The following NDST4 variants were observed in gnomAD, a reference collection of about 807,000 sequenced individuals.
The protein encoded by NDST4 is N-heparan sulfate sulfotransferase 4.
A neutral mutation model predicts 100.8 loss-of-function variants in NDST4; 63 were observed. The ratio of observed to expected loss-of-function variants is 0.62; its 90% CI spans 0.51 to 0.77. NDST4 has a LOEUF of 0.77. Ranked by LOEUF, NDST4 falls within the 30% of genes least tolerant of loss-of-function variation. NDST4 has a pLI of 0.00. For missense variants in NDST4, 943 were observed against 1,018.4 expected, an observed-to-expected ratio of 0.93 and a Z score of 1.01; for synonymous variants, 377 against 361.8, an observed-to-expected ratio of 1.04 and a Z score of -0.48.
In NDST4 at chr4:115,100,832, G is replaced by A. The variant is rs573808834; in HGVS notation, c.-247+12612C>T. ...TTTTTTTTTTTTTCCCTCCTGCTCT[G>A]CCCTCCTTTCCTTAAGTTCCTATTG... On this transcript the variant is annotated intron_variant, in intron 1 of 13. Coordinates refer to ENST00000264363, the MANE Select transcript of NDST4 (RefSeq NM_022569.3). Among the ~76,000 whole-genome samples, 13 of 146,262 alleles carry A rather than the reference G, an allele frequency of 8.9e-5. No individual in the cohort carries two copies. The East Asian group carries it at 2.6e-3, about 29-fold the overall frequency.
chr4:115,056,469 T>C (rs571406163), intron 2 of NDST4, among the ~76,000 whole-genome samples: 1 of 152,314 alleles, frequency 6.6e-6, no homozygotes, highest in African/African-American at 2.4e-5. Context: ...CAACTGTTGA[T>C]TGTAGATTAT....
At chr4:114,860,048 C>T (rs1407443479) in intron 7 of NDST4, among the ~76,000 whole-genome samples, 1 of 152,142 alleles carries the variant, frequency 6.6e-6, no homozygotes, top group Non-Finnish European at 1.5e-5. Context: ...CTAAAGGGAT[C>T]AGTAATGTAT....
Position 114,839,497 on chromosome 4 carries a change from C to A in NDST4, c.2167G>T (p.Val723Phe). 1 of 1,613,896 alleles carries A rather than the reference C, an allele frequency of 6.2e-7. No homozygotes were observed. Among genetic ancestry groups the A allele is most frequent in the Non-Finnish European group, 8.5e-7 (1 of 1,179,894 alleles). Residue 723 changes from valine to phenylalanine, a missense_variant, in exon 11 of 14, where the codon GTT (valine) becomes TTT (phenylalanine). This residue lies in a region of NDST4 where 526 missense variants were observed against 634.1 expected (regional missense o/e 0.83). Transcript: ENST00000264363. Reference protein sequence around the residue: ...PAALRFNFYEVISTGHWAPSD... With the variant: ...PAALRFNFYEFISTGHWAPSD... Reference sequence around the variant, plus strand: ...GGAGCCCAATGTCCTGTTGAAATAACTTCATAGAAATTGAACCTCAGAGCA... The same window carrying A: ...GGAGCCCAATGTCCTGTTGAAATAAATTCATAGAAATTGAACCTCAGAGCA...
intron 1 of NDST4, among the ~76,000 whole-genome samples, chr4:115,105,487 C>A: frequency 6.6e-6 from 1 of 152,058 alleles, no homozygotes; most frequent in East Asian, 1.9e-4. Context: ...TGTAATTTTA[C>A]CCAGTGGTTA....
chr4:114,902,424 T>C (rs1724863616), intron 6 of NDST4, among the ~76,000 whole-genome samples: 1 of 150,278 alleles, frequency 6.7e-6, no homozygotes, highest in African/African-American at 2.5e-5. Context: ...CTTGCTTGCA[T>C]GTTTTCTGAA....
At chr4:114,968,638 C>A (rs1204416514) in intron 4 of NDST4, among the ~76,000 whole-genome samples, 1 of 152,140 alleles carries the variant, frequency 6.6e-6, no homozygotes, top group Non-Finnish European at 1.5e-5. Context: ...AGTCTTCCAA[C>A]AAAATTTTAT....
intron 2 of NDST4, among the ~76,000 whole-genome samples, chr4:115,063,044 T>C (rs186878848): frequency 2.6e-5 from 4 of 152,074 alleles, no homozygotes; most frequent in African/African-American, 7.2e-5. Context: ...TCAGGATATG[T>C]GTTGCCTCTC....
chr4:114,849,823 G>T (rs1179984938), intron 8 of NDST4, among the ~76,000 whole-genome samples: 1 of 152,174 alleles, frequency 6.6e-6, no homozygotes, highest in Non-Finnish European at 1.5e-5. Flanking sequence ...CTAAATTAGA[G>T]TCTTAAAGTT....
chr4:115,049,894 A>G (rs1395914623), intron 2 of NDST4, among the ~76,000 whole-genome samples: 1 of 152,174 alleles, frequency 6.6e-6, no homozygotes, highest in Non-Finnish European at 1.5e-5. Flanking sequence ...GTAGTTTTGC[A>G]GAAGGCCTTA....
intron 1 of NDST4, among the ~76,000 whole-genome samples, chr4:115,093,368 T>A (rs756775899): frequency 6.6e-6 from 1 of 151,714 alleles, no homozygotes; most frequent in East Asian, 1.9e-4. Flanking sequence ...CCAGCTACTC[T>A]AGAGGCTGAG....
intron 7 of NDST4, among the ~76,000 whole-genome samples, chr4:114,864,525 A>G (rs1274930791): frequency 6.6e-6 from 1 of 152,182 alleles, no homozygotes; most frequent in Non-Finnish European, 1.5e-5. Flanking sequence ...TAAGCCTAAT[A>G]CAATCCATGT....
At chr4:114,900,289 C>T (rs1578375526) in intron 6 of NDST4, among the ~76,000 whole-genome samples, 1 of 151,678 alleles carries the variant, frequency 6.6e-6, no homozygotes, top group African/African-American at 2.4e-5. Flanking sequence ...CTTTTGGTTT[C>T]TTGATTTTCT....
At chr4:114,970,355 A>C in intron 4 of NDST4, 75 bp downstream of exon 4, 1 of 1,298,036 alleles carries the variant, frequency 7.7e-7, no homozygotes, top group South Asian at 1.3e-5. Flanking sequence ...TATTCAACCC[A>C]ATACATTAAT....
In NDST4 at chr4:114,952,487, T is replaced by C. The variant is rs541013334; in HGVS notation, c.1222-14984A>G. On this transcript the variant is annotated intron_variant, in intron 4 of 13. Coordinates refer to ENST00000264363, the MANE Select transcript of NDST4 (RefSeq NM_022569.3). ...GAAAATTCTTTCATCTACCTGCCAA[T>C]ACCAGACCAGCAAGTCAAGGACTTA... is the stretch of plus-strand genomic sequence containing the variant. 2.0e-5 allele frequency among the ~76,000 whole-genome samples: 3 copies of C among 152,178 alleles called. No homozygotes were observed. In the East Asian group the frequency reaches 5.8e-4, roughly 29 times the overall value.
At chr4:115,009,932 A>G (rs1727505435) in intron 2 of NDST4, among the ~76,000 whole-genome samples, 1 of 100,506 alleles carries the variant, frequency 9.9e-6, no homozygotes, top group Non-Finnish European at 2.0e-5. Flanking sequence ...AACACATGAA[A>G]AAATGCTCAC....
At chr4:114,989,300 T>C (rs551025002) in intron 2 of NDST4, among the ~76,000 whole-genome samples, 2 of 152,322 alleles carry the variant, frequency 1.3e-5, no homozygotes, top group East Asian at 3.9e-4. Context: ...ATGGTATCCT[T>C]TGGAGTTCTG....
chr4:114,920,237 T>G (rs528928184), intron 6 of NDST4, among the ~76,000 whole-genome samples: 17 of 152,316 alleles, frequency 1.1e-4, no homozygotes, highest in African/African-American at 3.6e-4. Flanking sequence ...TTCTTTTTTA[T>G]TTTTCTCAAT....
intron 6 of NDST4, among the ~76,000 whole-genome samples, chr4:114,888,462 A>G (rs2126204941): frequency 6.6e-6 from 1 of 152,254 alleles, no homozygotes; most frequent in Admixed American, 6.5e-5. Flanking sequence ...AAAAATGTCA[A>G]TTCGCTAGCA....
chr4:114,855,400 A>G (rs1723772343), intron 7 of NDST4, among the ~76,000 whole-genome samples: 1 of 152,094 alleles, frequency 6.6e-6, no homozygotes, highest in South Asian at 2.1e-4. Context: ...GTAGTTTTAT[A>G]GTTTGAGGTC....
Sources: allele counts gnomAD v4.1 joint callset (sites outside exome capture counted in the v4.1 genomes callset), GRCh38; gene constraint gnomAD v4.1.1; regional missense constraint gnomAD v4.1.1; transcripts MANE v1.5; gene names NCBI Gene and HGNC (gene_info 2026-07-23, HGNC 2026-07-21).